The following PRELID2 variants were observed in gnomAD, a reference collection of about 807,000 sequenced individuals.
PRELID2 encodes the protein PRELI domain containing 2, also known as PRELI domain-containing protein 2.
Under a neutral mutation model 28.4 loss-of-function variants are expected in PRELID2, and 25 were observed. That is an observed-to-expected ratio of 0.88 (90% CI 0.64 to 1.23). The LOEUF is 1.23. PRELID2 is among the 50% of genes most tolerant of loss of function. The probability of loss-of-function intolerance (pLI) is 0.00; values close to 1 mark genes in which losing one functional copy is unlikely to be tolerated. For synonymous variants in PRELID2, 76 were observed against 71.6 expected (o/e 1.06, Z -0.31); for missense variants, 201 against 214.4 (o/e 0.94, Z 0.39).
Position 145,760,384 on chromosome 5 carries a change from G to A in PRELID2, c.*152C>T, listed in dbSNP as rs549769324. The A allele has an allele frequency of 6.6e-6, 1 of 152,186 alleles. No individual in the cohort carries two copies. Among genetic ancestry groups the A allele is most frequent in the Admixed American group, 6.5e-5 (1 of 15,270 alleles). 9.4% of individuals were successfully genotyped at this position (152,186 alleles called of 1,614,324 possible). On this transcript the variant is annotated 3_prime_UTR_variant, in exon 7 of 7. Transcript: ENST00000683046. ...AGGGTATCATTTTATGTCCTGGCAA[G>A]AAGGTCTTCTCTTCTTGAAGCTGCC...
chr5:145,365,153 A>G, the PRELID2 span, among the ~76,000 whole-genome samples: 1 of 151,960 alleles, frequency 6.6e-6, no homozygotes. Flanking sequence ...ATCAAAGGGT[A>G]CGAAATTTCA....
downstream of PRELID2, among the ~76,000 whole-genome samples, chr5:145,751,413 G>A (rs567065163): frequency 1.3e-5 from 2 of 152,270 alleles, no homozygotes; most frequent in South Asian, 4.1e-4. Context: ...CAGGGCTCTG[G>A]AGCATTTGGC....
the PRELID2 span, among the ~76,000 whole-genome samples, chr5:145,364,727 T>C: frequency 1.6e-4 from 25 of 152,082 alleles, no homozygotes; most frequent in South Asian, 2.3e-3. Flanking sequence ...CTATGGTATA[T>C]GCAGACAACA....
chr5:145,556,414 A>G lies in PRELID2; in HGVS notation n.71-83099T>C, dbSNP rs886189355. Among the ~76,000 whole-genome samples, 7 of 152,172 alleles carry G rather than the reference A, an allele frequency of 4.6e-5. No individual in the cohort carries two copies. The East Asian group carries it at 1.4e-3, about 29-fold the overall frequency. ...TTTCACTCCCTCATCTCTCACATCC[A>G]ATATCACCAAAAATTACTGATTTCA... On this transcript the variant is annotated intron_variant and non_coding_transcript_variant, in intron 1 of 2. Transcript: ENST00000510259.
the PRELID2 span, among the ~76,000 whole-genome samples, chr5:145,347,672 C>T: frequency 1.3e-5 from 2 of 151,918 alleles, no homozygotes; most frequent in Non-Finnish European, 2.9e-5. Flanking sequence ...TCTTTCCTGC[C>T]TCTTAGTAGC....
chr5:145,408,460 GTA>G, the PRELID2 span, among the ~76,000 whole-genome samples: 1 of 143,920 alleles, frequency 6.9e-6, no homozygotes, highest in African/African-American at 2.6e-5. Flanking sequence ...TAATATATAT[GTA>G]TAATATATAT....
chr5:145,825,253 A>AAAAAAAG (rs1755111286), intron 1 of PRELID2, among the ~76,000 whole-genome samples: 2 of 143,878 alleles, frequency 1.4e-5, no homozygotes, highest in Non-Finnish European at 3.1e-5. Flanking sequence ...AAAAAAAAAA[A>AAAAAAAG]AAAAAAACTT....
rs1201487874 is a variant in PRELID2, at chr5:145,791,436, A to G, written c.474+5006T>C. 2.6e-5 allele frequency among the ~76,000 whole-genome samples: 4 copies of G among 152,368 alleles called. No individual in the cohort carries two copies. The South Asian group carries it at 6.2e-4, about 24-fold the overall frequency. On this transcript the variant is annotated intron_variant, in intron 5 of 6. Coordinates refer to ENST00000683046, the MANE Select transcript of PRELID2 (RefSeq NM_205846.3). ...GACACATGCTACAATGCAGATGAAC[A>G]CTGAAAACATATGCTCAGTAAAATA...
intron 1 of PRELID2, among the ~76,000 whole-genome samples, chr5:145,520,348 AAAGAGGTAAC>A (rs1407146506): frequency 2.6e-5 from 4 of 152,234 alleles, no homozygotes; most frequent in African/African-American, 4.8e-5. Flanking sequence ...CATCTGCAAC[AAAGAGGTAAC>A]AATGACAAGC....
chr5:145,597,249 T>C (rs1580992388), intron 1 of PRELID2, among the ~76,000 whole-genome samples: 1 of 152,316 alleles, frequency 6.6e-6, no homozygotes, highest in East Asian at 1.9e-4. Flanking sequence ...CTAAATGTAG[T>C]AACTGTACTA....
the PRELID2 span, among the ~76,000 whole-genome samples, chr5:145,311,020 T>C: frequency 6.6e-6 from 1 of 152,246 alleles, no homozygotes; most frequent in Non-Finnish European, 1.5e-5. Context: ...ATTTGATTCA[T>C]GTATGATTGG....
chr5:145,316,137 C>T, the PRELID2 span, among the ~76,000 whole-genome samples: 1 of 152,154 alleles, frequency 6.6e-6, no homozygotes, highest in Non-Finnish European at 1.5e-5. Context: ...AGCCAGCAAA[C>T]ACTACAAATA....
intron 1 of PRELID2, among the ~76,000 whole-genome samples, chr5:145,508,582 A>T (rs1351085977): frequency 2.0e-5 from 3 of 152,074 alleles, no homozygotes; most frequent in Non-Finnish European, 4.4e-5. Flanking sequence ...ATAAAATTAA[A>T]AAGAAAGAAA....
chr5:145,426,347 G>A, the PRELID2 span, among the ~76,000 whole-genome samples: 1 of 152,152 alleles, frequency 6.6e-6, no homozygotes, highest in Admixed American at 6.5e-5. Flanking sequence ...AATGAAGAAT[G>A]GGGAGTGAGG....
chr5:145,729,345 A>G (rs1675853421), intron 1 of PRELID2: 2 of 778,346 alleles, frequency 2.6e-6, no homozygotes, highest in Non-Finnish European at 4.2e-6. Flanking sequence ...AGCCCATATC[A>G]TGCCTCTGTT....
chr5:145,476,666 A>G (rs79722464), intron 1 of PRELID2, among the ~76,000 whole-genome samples: 2 of 152,112 alleles, frequency 1.3e-5, no homozygotes, highest in African/African-American at 4.8e-5. Context: ...AAAAATAAAA[A>G]TTTATTAATT....
At chr5:145,808,794 G>C (rs972856696) in intron 4 of PRELID2, among the ~76,000 whole-genome samples, 1 of 151,956 alleles carries the variant, frequency 6.6e-6, no homozygotes, top group African/African-American at 2.4e-5. Context: ...TGAGGTGGCA[G>C]AATTGCTTGA....
At chr5:145,712,819 C>T (rs1755731150) in intron 1 of PRELID2, among the ~76,000 whole-genome samples, 1 of 151,194 alleles carries the variant, frequency 6.6e-6, no homozygotes, top group African/African-American at 2.4e-5. Flanking sequence ...GCTATTTCAG[C>T]AGAGATGAAA....
chr5:145,271,321 C>G, the PRELID2 span, among the ~76,000 whole-genome samples: 3 of 152,046 alleles, frequency 2.0e-5, no homozygotes, highest in African/African-American at 4.8e-5. Context: ...ACCTCCTGGG[C>G]TCAAGCGATT....
Sources: allele counts gnomAD v4.1 joint callset (sites outside exome capture counted in the v4.1 genomes callset), GRCh38; gene constraint gnomAD v4.1.1; transcripts MANE v1.5; gene names NCBI Gene and HGNC (gene_info 2026-07-23, HGNC 2026-07-21).